The following PPP2R2C variants were observed in gnomAD, a reference collection of about 807,000 sequenced individuals.
The protein encoded by PPP2R2C is protein phosphatase 2 regulatory subunit Bgamma, also known as protein phosphatase 2, regulatory subunit B, gamma.
PPP2R2C carries 10 observed loss-of-function variants against 45.3 expected under a neutral mutation model. The ratio of observed to expected loss-of-function variants is 0.22; its 90% CI spans 0.14 to 0.37. The LOEUF (loss-of-function observed/expected upper bound fraction) is 0.37. PPP2R2C is among the 10% of genes least tolerant of loss of function. PPP2R2C has a pLI of 1.00. For synonymous variants in PPP2R2C, 257 were observed against 245.4 expected (o/e 1.05, Z -0.44); for missense variants, 308 against 619.7 (o/e 0.50, Z 5.34).
At chr4:6,410,681 G>A (rs1718109835) in intron 1 of PPP2R2C, among the ~76,000 whole-genome samples, 1 of 151,876 alleles carries the variant, frequency 6.6e-6, no homozygotes, top group African/African-American at 2.4e-5. Context: ...AATATCACAG[G>A]GGAGACGTGG....
intron 2 of PPP2R2C, among the ~76,000 whole-genome samples, chr4:6,478,033 G>T (rs1045672783): frequency 7.9e-5 from 12 of 152,116 alleles, no homozygotes; most frequent in Admixed American, 5.2e-4. Context: ...TTCACAGTCT[G>T]GCCCCAACTG....
chr4:6,423,164 T>G (rs1227943707), intron 1 of PPP2R2C, among the ~76,000 whole-genome samples: 1 of 152,210 alleles, frequency 6.6e-6, no homozygotes, highest in East Asian at 1.9e-4. Flanking sequence ...TCAGGCTCTG[T>G]GCTACCCACT....
At chr4:6,458,871 C>T (rs552768544) in intron 1 of PPP2R2C, among the ~76,000 whole-genome samples, 1 of 152,242 alleles carries the variant, frequency 6.6e-6, no homozygotes, top group Non-Finnish European at 1.5e-5. Flanking sequence ...GCTGGTTTCC[C>T]ATGTCTGTCA....
At chr4:6,482,254 A>T (rs1000690010) in intron 2 of PPP2R2C, among the ~76,000 whole-genome samples, 1 of 152,188 alleles carries the variant, frequency 6.6e-6, no homozygotes, top group Non-Finnish European at 1.5e-5. Context: ...TGTAAACTCA[A>T]TTAATCTTCC....
rs368843114 is a variant in PPP2R2C at position 6,323,380 on chromosome 4, C to T, written c.1266G>A (p.Pro422=). 30 of 1,613,926 alleles carry T rather than the reference C, an allele frequency of 1.9e-5. No homozygotes were observed. The highest frequency in any genetic ancestry group is 1.2e-4 in the African/African-American group (9 of 75,052). ...TKKILHTAWH[P]AENIIAIAAT... ...CGGCGATGGCAATGATGTTCTCAGC[C>T]GGGTGCCAGGCCGTGTGCAGGATCT... The change falls in exon 9 of 9, where the codon CCG becomes CCA. Residue 422 remains proline (P), a synonymous_variant. Transcript: ENST00000382599.
chr4:6,343,519 C>T (rs932709880), intron 6 of PPP2R2C, among the ~76,000 whole-genome samples: 1 of 152,106 alleles, frequency 6.6e-6, no homozygotes, highest in Admixed American at 6.5e-5. Flanking sequence ...GAGTTCGAGA[C>T]CAGCCTGGCC....
chr4:6,499,299 T>A (rs761417199), intron 2 of PPP2R2C, among the ~76,000 whole-genome samples: 42 of 152,154 alleles, frequency 2.8e-4, no homozygotes, highest in Admixed American at 2.6e-4. Flanking sequence ...ATTGAGGGAA[T>A]CAGATAGGCA....
intron 6 of PPP2R2C, among the ~76,000 whole-genome samples, chr4:6,338,310 C>T (rs1733153551): frequency 6.6e-6 from 1 of 152,212 alleles, no homozygotes; most frequent in East Asian, 1.9e-4. Flanking sequence ...ATAATTAGGG[C>T]TCTCATGGCT....
chr4:6,433,670 T>C (rs1334508418), intron 1 of PPP2R2C, among the ~76,000 whole-genome samples: 5 of 152,212 alleles, frequency 3.3e-5, no homozygotes, highest in African/African-American at 7.2e-5. Flanking sequence ...GTCACTATAA[T>C]AGCTAATTTG....
intron 1 of PPP2R2C, chr4:6,383,825 A>C: frequency 1.0e-6 from 1 of 993,932 alleles, no homozygotes; most frequent in Non-Finnish European, 1.2e-6. Flanking sequence ...CAGGCCAGAG[A>C]TATCTATCCA....
intron 1 of PPP2R2C, among the ~76,000 whole-genome samples, chr4:6,433,813 A>T (rs1252652164): frequency 2.6e-5 from 4 of 152,202 alleles, no homozygotes; most frequent in Non-Finnish European, 5.9e-5. Flanking sequence ...AGGTGAAGTA[A>T]CTTGTCCAAG....
At chr4:6,547,774 G>A (rs532476775) in intron 1 of PPP2R2C, among the ~76,000 whole-genome samples, 63 of 152,186 alleles carry the variant, frequency 4.1e-4, no homozygotes, top group Middle Eastern at 3.4e-3. Flanking sequence ...AAAACGCAAC[G>A]GGACACAGGC....
intron 6 of PPP2R2C, among the ~76,000 whole-genome samples, chr4:6,336,662 T>C (rs1560453225): frequency 2.9e-3 from 52 of 17,718 alleles, no homozygotes; most frequent in Non-Finnish European, 3.2e-3. Context: ...CCTCCCTCCC[T>C]CCCTGCTTCC....
At chr4:6,339,276 G>C (rs1733256615) in intron 6 of PPP2R2C, among the ~76,000 whole-genome samples, 1 of 152,218 alleles carries the variant, frequency 6.6e-6, no homozygotes, top group Non-Finnish European at 1.5e-5. Flanking sequence ...GTCCTGCCTT[G>C]GTCATTAGTC....
chr4:6,499,189 G>A (rs1722967206), intron 2 of PPP2R2C, among the ~76,000 whole-genome samples: 1 of 152,090 alleles, frequency 6.6e-6, no homozygotes, highest in Non-Finnish European at 1.5e-5. Context: ...TCAGTGCTTG[G>A]GTGTGTTGAG....
intron 6 of PPP2R2C, 46 bp downstream of exon 6, chr4:6,347,800 C>T (rs370801736): frequency 2.6e-5 from 33 of 1,253,150 alleles, no homozygotes; most frequent in African/African-American, 1.2e-4. Context: ...CCCACCCGCC[C>T]GCCTGCCCAA....
intron 1 of PPP2R2C, chr4:6,414,027 C>T (rs1370140973): frequency 1.3e-6 from 2 of 1,525,448 alleles, no homozygotes; most frequent in Admixed American, 2.0e-5. Flanking sequence ...CTATGTGGCC[C>T]AAATCTAGAG....
chr4:6,412,484 G>A (rs909628045), intron 1 of PPP2R2C, among the ~76,000 whole-genome samples: 7 of 152,320 alleles, frequency 4.6e-5, no homozygotes, highest in African/African-American at 1.7e-4. Context: ...GCATGTAGAT[G>A]CCAGCTGTGT....
intron 1 of PPP2R2C, among the ~76,000 whole-genome samples, chr4:6,429,123 T>C (rs1719486402): frequency 1.3e-5 from 2 of 151,288 alleles, no homozygotes; most frequent in Admixed American, 1.3e-4. Flanking sequence ...GGCATGACTC[T>C]GTTCCAATCA....
Sources: allele counts gnomAD v4.1 joint callset (sites outside exome capture counted in the v4.1 genomes callset), GRCh38; gene constraint gnomAD v4.1.1; transcripts MANE v1.5; gene names NCBI Gene and HGNC (gene_info 2026-07-23, HGNC 2026-07-21).